The following MAN1A1 variants were observed in gnomAD, a reference collection of about 807,000 sequenced individuals.
MAN1A1 encodes the protein mannosyl-oligosaccharide 1,2-alpha-mannosidase IA.
A neutral mutation model predicts 70.8 loss-of-function variants in MAN1A1; 29 were observed. That is an observed-to-expected ratio of 0.41 (90% CI 0.31 to 0.56). The LOEUF (loss-of-function observed/expected upper bound fraction) is 0.56. Among genes scored for constraint, MAN1A1 ranks in the 20% least tolerant of loss-of-function variants. MAN1A1 has a pLI of 0.29. For synonymous variants in MAN1A1, 349 were observed against 330.1 expected, an observed-to-expected ratio of 1.06 and a Z score of -0.62; for missense variants, 747 against 841.3, an observed-to-expected ratio of 0.89 and a Z score of 1.39.
At chr6:119,215,752 A>G (rs773402787) in intron 6 of MAN1A1, among the ~76,000 whole-genome samples, 1 of 152,184 alleles carries the variant, frequency 6.6e-6, no homozygotes, top group African/African-American at 2.4e-5. Flanking sequence ...TTGGATCCCA[A>G]GGGGGAAAAC....
intron 11 of MAN1A1, among the ~76,000 whole-genome samples, chr6:119,180,859 T>C (rs535204417): frequency 1.2e-4 from 19 of 152,104 alleles, no homozygotes; most frequent in African/African-American, 4.6e-4. Context: ...TGAAAGTTTG[T>C]TATAGAGTTT....
chr6:119,208,779 ATAATCT>A (rs1451892213), intron 6 of MAN1A1, among the ~76,000 whole-genome samples: 3 of 152,158 alleles, frequency 2.0e-5, no homozygotes, highest in African/African-American at 7.2e-5. Flanking sequence ...TTCTTTCAAA[ATAATCT>A]TAAATTAAGG....
intron 3 of MAN1A1, among the ~76,000 whole-genome samples, chr6:119,304,779 G>C (rs529973221): frequency 6.6e-6 from 1 of 152,260 alleles, no homozygotes; most frequent in East Asian, 1.9e-4. Flanking sequence ...GTTGTTTTTA[G>C]GGTCAAGACT....
chr6:119,338,819 A>C (rs545932065), intron 2 of MAN1A1, among the ~76,000 whole-genome samples: 1 of 152,246 alleles, frequency 6.6e-6, no homozygotes, highest in South Asian at 2.1e-4. Context: ...CTATCAATAA[A>C]GGATATTTTA....
intron 5 of MAN1A1, among the ~76,000 whole-genome samples, chr6:119,283,262 T>C (rs1017948523): frequency 6.6e-6 from 1 of 152,240 alleles, no homozygotes; most frequent in Non-Finnish European, 1.5e-5. Flanking sequence ...CATGTACAGA[T>C]TTTACTTTAA....
chr6:119,246,204 C>T (rs187079785), intron 6 of MAN1A1, among the ~76,000 whole-genome samples: 2 of 152,266 alleles, frequency 1.3e-5, no homozygotes, highest in Non-Finnish European at 1.5e-5. Flanking sequence ...ATGTAGCCCA[C>T]ACCTCTATTA....
rs189667490 is a variant in MAN1A1, at chr6:119,234,753, T to C, written c.992+13507A>G. The stretch of plus-strand genomic sequence containing the variant: ...TATTAAAAATTATACATTTAAAAAA[T>C]TTACATACGGGGATACCTCATTTTA... On this transcript the variant is annotated intron_variant, in intron 6 of 12. Transcript: ENST00000368468. 3.2e-4 allele frequency among the ~76,000 whole-genome samples: 48 copies of C among 152,260 alleles called. 1 individual carries two copies. Among genetic ancestry groups the C allele is most frequent in the Admixed American group, 2.9e-3 (45 of 15,294 alleles).
chr6:119,255,166 A>G lies in MAN1A1; in HGVS notation c.898-6812T>C, dbSNP rs571882227. On this transcript the variant is annotated intron_variant, in intron 5 of 12. Coordinates refer to ENST00000368468, the MANE Select transcript of MAN1A1 (RefSeq NM_005907.4). Reference sequence around the variant, plus strand: ...TGCCAGAGCAAAGAATAAGGAAAAAAGAAATGAATAAGAACAGATGGCTTT... The same window carrying G: ...TGCCAGAGCAAAGAATAAGGAAAAAGGAAATGAATAAGAACAGATGGCTTT... 1.1e-4 allele frequency among the ~76,000 whole-genome samples: 16 copies of G among 152,348 alleles called. No homozygotes were observed. The South Asian group carries it at 3.3e-3, about 32-fold the overall frequency.
At chr6:119,348,331 C>A in intron 2 of MAN1A1, 132 bp downstream of exon 2, 2 of 857,432 alleles carry the variant, frequency 2.3e-6, no homozygotes, top group South Asian at 3.7e-5. Context: ...TTTGACACAG[C>A]ACCTGGTGGA....
In MAN1A1 at chr6:119,304,214, CTAA is replaced by C. The variant is rs973913733; in HGVS notation, c.701-2114_701-2112del. Among the ~76,000 whole-genome samples the C allele has an allele frequency of 6.6e-5, 10 of 152,238 alleles. No individual in the cohort carries two copies. In the South Asian group the frequency reaches 8.3e-4, roughly 13 times the overall value. Reference sequence around the variant, plus strand: ...AAAAGATAAAAGTTGTAAATCTTATCTAATAATAATGAGAAAGAAACCTGAAGA... The same window carrying C: ...AAAAGATAAAAGTTGTAAATCTTATCTAATAATGAGAAAGAAACCTGAAGA... On this transcript the variant is annotated intron_variant, in intron 3 of 12. Transcript: ENST00000368468.
intron 5 of MAN1A1, among the ~76,000 whole-genome samples, chr6:119,263,684 A>G (rs1378239648): frequency 6.6e-6 from 1 of 152,214 alleles, no homozygotes; most frequent in Non-Finnish European, 1.5e-5. Flanking sequence ...AGGTAACTCA[A>G]TTATGCAGCC....
chr6:119,311,017 T>C (rs1389235928), intron 2 of MAN1A1, among the ~76,000 whole-genome samples: 2 of 152,188 alleles, frequency 1.3e-5, no homozygotes, highest in Non-Finnish European at 2.9e-5. Context: ...ACTGGGTCCA[T>C]ATCTGAGCTC....
chr6:119,203,556 G>A (rs1194264965), intron 7 of MAN1A1, among the ~76,000 whole-genome samples: 1 of 152,074 alleles, frequency 6.6e-6, no homozygotes, highest in East Asian at 1.9e-4. Context: ...GGGGTGGTCA[G>A]GTGGCTACTG....
chr6:119,301,300 T>A (rs1772382608), intron 4 of MAN1A1, among the ~76,000 whole-genome samples: 1 of 152,156 alleles, frequency 6.6e-6, no homozygotes. Context: ...ACAATGACTA[T>A]CAAATTAGAG....
rs369427865 is a variant in MAN1A1, at chr6:119,210,367, C to T, written c.993-5485G>A. 1.9e-3 allele frequency among the ~76,000 whole-genome samples: 295 copies of T among 152,154 alleles called. 2 individuals carry two copies. The highest frequency in any genetic ancestry group is 6.8e-3 in the Middle Eastern group (2 of 294). On this transcript the variant is annotated intron_variant, in intron 6 of 12. Transcript: ENST00000368468. ...GCTTCAGAGAACACCACCAAAAAGGCGAGCAGAACTGATGAAAAAGCAGTT... is the reference window on the plus strand; with the variant it reads ...GCTTCAGAGAACACCACCAAAAAGGTGAGCAGAACTGATGAAAAAGCAGTT...
chr6:119,212,048 GC>G (rs1157694808), intron 6 of MAN1A1, among the ~76,000 whole-genome samples: 1 of 151,576 alleles, frequency 6.6e-6, no homozygotes, highest in Non-Finnish European at 1.5e-5. Context: ...CACCATGTTA[GC>G]CAGGATGGTC....
intron 6 of MAN1A1, among the ~76,000 whole-genome samples, chr6:119,231,686 G>C (rs1478959662): frequency 6.6e-6 from 1 of 152,082 alleles, no homozygotes; most frequent in East Asian, 1.9e-4. Flanking sequence ...CCCCTGGACT[G>C]GGGGGAAATG....
intron 3 of MAN1A1, among the ~76,000 whole-genome samples, chr6:119,304,466 A>T (rs1772477509): frequency 6.6e-6 from 1 of 152,218 alleles, no homozygotes; most frequent in Admixed American, 6.5e-5. Flanking sequence ...TAATTGGTCA[A>T]GCACAAAATA....
chr6:119,338,173 C>CATAA (rs962570216), intron 2 of MAN1A1, among the ~76,000 whole-genome samples: 9 of 151,898 alleles, frequency 5.9e-5, no homozygotes, highest in Non-Finnish European at 8.8e-5. Flanking sequence ...TTATGTCAAT[C>CATAA]GTTATTCATC....
Sources: allele counts gnomAD v4.1 joint callset (sites outside exome capture counted in the v4.1 genomes callset), GRCh38; gene constraint gnomAD v4.1.1; transcripts MANE v1.5; gene names NCBI Gene and HGNC (gene_info 2026-07-23, HGNC 2026-07-21).